USP13: variants seen among roughly 807,000 people sequenced by gnomAD.
USP13 encodes the protein ubiquitin specific peptidase 13, also known as ubiquitin carboxyl-terminal hydrolase 13.
USP13 carries 68 observed loss-of-function variants against 107.8 expected under a neutral mutation model. The ratio of observed to expected loss-of-function variants is 0.63; its 90% CI spans 0.52 to 0.77. The LOEUF is 0.77. Among genes scored for constraint, USP13 ranks in the 30% least tolerant of loss-of-function variants. The probability of loss-of-function intolerance (pLI) is 0.00; values close to 1 mark genes in which losing one functional copy is unlikely to be tolerated. For synonymous variants in USP13, 377 were observed against 389.5 expected, an observed-to-expected ratio of 0.97 and a Z score of 0.38; for missense variants, 945 against 1,093.3, an observed-to-expected ratio of 0.86 and a Z score of 1.91.
At chr3:179,709,028 A>G (rs1358234819) in intron 6 of USP13, 71 bp downstream of exon 6, 2 of 1,530,610 alleles carry the variant, frequency 1.3e-6, no homozygotes, top group Admixed American at 2.0e-5. Context: ...CCCTGAATCC[A>G]GGTGGTTGGA....
At chr3:179,667,630 G>C (rs1434750647) in intron 1 of USP13, among the ~76,000 whole-genome samples, 2 of 152,062 alleles carry the variant, frequency 1.3e-5, no homozygotes, top group Non-Finnish European at 2.9e-5. Flanking sequence ...CATCCTCATT[G>C]CTCAAAATAC....
intron 1 of USP13, among the ~76,000 whole-genome samples, chr3:179,677,170 T>G (rs1053831721): frequency 1.3e-5 from 2 of 152,026 alleles, no homozygotes; most frequent in East Asian, 3.9e-4. Flanking sequence ...CTGTTGATGT[T>G]ATAATGAAAT....
At position 179,654,635 on chromosome 3, in the gene USP13, A is replaced by G. The variant is rs537173274; in HGVS notation, c.168+1242A>G. On this transcript the variant is annotated intron_variant, in intron 1 of 20. Coordinates refer to ENST00000263966, the MANE Select transcript of USP13 (RefSeq NM_003940.3). ...CTCATATGTCACCCGGCAGATCTCA[A>G]TGCATTGGGAGGCGCATGGATTGGA... Among the ~76,000 whole-genome samples the G allele has an allele frequency of 5.9e-5, 9 of 152,310 alleles. No homozygotes were observed. In the East Asian group the frequency reaches 7.7e-4, roughly 13 times the overall value.
Position 179,784,258 on chromosome 3 carries a change from C to T in USP13, c.*117C>T, listed in dbSNP as rs925938572. 11 of 780,052 alleles carry T rather than the reference C, an allele frequency of 1.4e-5. No homozygotes were observed. The highest frequency in any genetic ancestry group is 3.4e-4 in the Middle Eastern group (1 of 2,924). 48.3% of individuals were successfully genotyped at this position (780,052 alleles called of 1,614,324 possible). On this transcript the variant is annotated 3_prime_UTR_variant, in exon 21 of 21. Transcript: ENST00000263966. ...ATGAAGGAATATATGGGGTATTTATCGTTTATTTAAAGAGCACGATCAGTT... is the reference window on the plus strand; with the variant it reads ...ATGAAGGAATATATGGGGTATTTATTGTTTATTTAAAGAGCACGATCAGTT...
At position 179,678,373 on chromosome 3, in the gene USP13, C is replaced by G. The variant is rs1375841178; in HGVS notation, c.169-3505C>G. Among the ~76,000 whole-genome samples the G allele has an allele frequency of 6.6e-6, 1 of 152,132 alleles. No homozygotes were observed. The highest frequency in any genetic ancestry group is 1.5e-5 in the Non-Finnish European group (1 of 68,030). ...ATTAAATGCATGTAATGTGTTGTCT[C>G]TAGTTGAAGGACTTTTCTAATTTTA... On this transcript the variant is annotated intron_variant, in intron 1 of 20. Coordinates refer to ENST00000263966, the MANE Select transcript of USP13 (RefSeq NM_003940.3). The surrounding 1 kb of genome is among the most constrained non-coding windows in gnomAD (Gnocchi z 4.2).
At chr3:179,656,462 T>C (rs963572442) in intron 1 of USP13, among the ~76,000 whole-genome samples, 3 of 152,354 alleles carry the variant, frequency 2.0e-5, no homozygotes, top group Admixed American at 6.5e-5. Flanking sequence ...ATATGAGTAG[T>C]GTATTAGTAT....
At chr3:179,764,774 A>G (rs1189877992) in intron 18 of USP13, among the ~76,000 whole-genome samples, 1 of 152,124 alleles carries the variant, frequency 6.6e-6, no homozygotes, top group African/African-American at 2.4e-5. Flanking sequence ...AAAAAACAAA[A>G]CAAAACCCAT....
chr3:179,754,276 G>A (rs1171005862), intron 14 of USP13, among the ~76,000 whole-genome samples: 2 of 152,158 alleles, frequency 1.3e-5, no homozygotes, highest in African/African-American at 2.4e-5. Context: ...GACTAACATT[G>A]CACCATTGTC....
Position 179,789,292 on chromosome 3 carries a change from AGTT to A in USP13, c.*5158_*5160del, listed in dbSNP as rs1715992529. On this transcript the variant is annotated 3_prime_UTR_variant, in exon 21 of 21. Coordinates refer to ENST00000263966, the MANE Select transcript of USP13 (RefSeq NM_003940.3). ...ATTTATTTTATTTTGCACTAGTCAC[AGTT>A]GTTGTTAAACTGTATCAAATGTTTT... 6.6e-6 allele frequency: 1 copy of A among 152,196 alleles called. No homozygotes were observed. The allele number at this position is 152,196 out of a possible 1,614,324, so 9.4% of individuals were successfully genotyped here.
intron 6 of USP13, among the ~76,000 whole-genome samples, chr3:179,719,226 G>C (rs1172720728): frequency 2.0e-5 from 3 of 152,116 alleles, no homozygotes; most frequent in Non-Finnish European, 4.4e-5. Flanking sequence ...AGGCCCTGGG[G>C]CAGTGGGGCA....
rs192235782 is a variant in USP13 at position 179,669,511 on chromosome 3, C to T, written c.169-12367C>T. ...AAAAAAATAATATCCTGACACTGCC[C>T]GTTTCCCTGTCTCTGCTGTCAGCCC... On this transcript the variant is annotated intron_variant, in intron 1 of 20. Coordinates refer to ENST00000263966, the MANE Select transcript of USP13 (RefSeq NM_003940.3). 2.8e-3 allele frequency among the ~76,000 whole-genome samples: 422 copies of T among 152,106 alleles called. 5 individuals carry two copies. The highest frequency in any genetic ancestry group is 9.7e-3 in the African/African-American group (402 of 41,518).
Position 179,678,671 on chromosome 3 carries a change from A to G in USP13, c.169-3207A>G, listed in dbSNP as rs142859335. The stretch of plus-strand genomic sequence containing the variant: ...GACAGGGTTTCTCCATGTTGCCCAG[A>G]CTGGTCTTGAACTCCTGGGCTCAAA... On this transcript the variant is annotated intron_variant, in intron 1 of 20. Coordinates refer to ENST00000263966, the MANE Select transcript of USP13 (RefSeq NM_003940.3). The surrounding 1 kb of genome is among the most constrained non-coding windows in gnomAD (Gnocchi z 4.2). Among the ~76,000 whole-genome samples, 168 of 152,064 alleles carry G rather than the reference A, an allele frequency of 1.1e-3. No individual in the cohort carries two copies. Among genetic ancestry groups the G allele is most frequent in the African/African-American group, 4.0e-3 (164 of 41,490 alleles).
chr3:179,710,976 G>A (rs78331296), intron 6 of USP13, among the ~76,000 whole-genome samples: 25 of 152,354 alleles, frequency 1.6e-4, no homozygotes, highest in African/African-American at 5.8e-4. Flanking sequence ...TGCTCTGGGT[G>A]AGTCAGTGAG....
In USP13 at chr3:179,768,935, A is replaced by G. The variant is rs1715261444; in HGVS notation, c.2413+3087A>G. ...GTAAAAAAATTAACACTTATATTGA[A>G]GGATATATATTAATTTTAGCAACTT... On this transcript the variant is annotated intron_variant, in intron 19 of 20. Coordinates refer to ENST00000263966, the MANE Select transcript of USP13 (RefSeq NM_003940.3). Among the ~76,000 whole-genome samples, 5 of 152,338 alleles carry G rather than the reference A, an allele frequency of 3.3e-5. No individual in the cohort carries two copies. In the South Asian group the frequency reaches 1.0e-3, roughly 32 times the overall value.
chr3:179,761,360 C>T, intron 17 of USP13, 105 bp downstream of exon 17: 1 of 1,411,790 alleles, frequency 7.1e-7, no homozygotes, highest in Admixed American at 2.3e-5. Flanking sequence ...TAGAAAATGA[C>T]TTTATAGTTC....
In USP13 at chr3:179,702,617, T is replaced by A. The variant is rs558672878; in HGVS notation, c.477+1488T>A. Reference sequence around the variant, plus strand: ...CCATTCATTCCCTTTTGCCCCAATCTACTTTATATCTAAGATCACAGAAAT... The same window carrying A: ...CCATTCATTCCCTTTTGCCCCAATCAACTTTATATCTAAGATCACAGAAAT... On this transcript the variant is annotated intron_variant, in intron 4 of 20. Coordinates refer to ENST00000263966, the MANE Select transcript of USP13 (RefSeq NM_003940.3). 1.0e-4 allele frequency among the ~76,000 whole-genome samples: 16 copies of A among 152,382 alleles called. 1 individual carries two copies. Among genetic ancestry groups the A allele is most frequent in the South Asian group, 8.3e-4 (4 of 4,830 alleles).
At chr3:179,673,913 A>G (rs186903480) in intron 1 of USP13, among the ~76,000 whole-genome samples, 2 of 152,240 alleles carry the variant, frequency 1.3e-5, no homozygotes, top group African/African-American at 2.4e-5. Context: ...TTTTCTTGAG[A>G]CGGAGTTTCG....
chr3:179,746,598 A>G (rs1352407426), intron 13 of USP13, among the ~76,000 whole-genome samples: 1 of 151,748 alleles, frequency 6.6e-6, no homozygotes, highest in Non-Finnish European at 1.5e-5. Flanking sequence ...ATGCCCGGCT[A>G]GTTTTGTATT....
intron 3 of USP13, among the ~76,000 whole-genome samples, chr3:179,698,493 G>GT (rs1576933399): frequency 7.8e-4 from 117 of 149,518 alleles, no homozygotes; most frequent in Admixed American, 1.7e-3. Context: ...GCCAGAGTGG[G>GT]GTTTTTTTTT....
Sources: allele counts gnomAD v4.1 joint callset (sites outside exome capture counted in the v4.1 genomes callset), GRCh38; gene constraint gnomAD v4.1.1; non-coding constraint Gnocchi (gnomAD v3.1); transcripts MANE v1.5; gene names NCBI Gene and HGNC (gene_info 2026-07-23, HGNC 2026-07-21).